TPD52L1: variants seen among roughly 807,000 people sequenced by gnomAD.
TPD52L1 encodes the protein tumor protein D53.
A neutral mutation model predicts 28.7 loss-of-function variants in TPD52L1; 18 were observed. The observed-to-expected ratio is 0.63, with a 90% CI of 0.43 to 0.93. The LOEUF (loss-of-function observed/expected upper bound fraction) is 0.93, where lower values mean the gene tolerates loss of function less well. Among genes scored for constraint, TPD52L1 ranks in the 40% least tolerant of loss-of-function variants. TPD52L1 has a pLI of 0.00. For synonymous variants in TPD52L1, 75 were observed against 88.8 expected (o/e 0.84, Z 0.88); for missense variants, 203 against 254.8 (o/e 0.80, Z 1.39).
At chr6:125,230,685 A>G (rs1795896996) in intron 3 of TPD52L1, among the ~76,000 whole-genome samples, 1 of 152,176 alleles carries the variant, frequency 6.6e-6, no homozygotes, top group Non-Finnish European at 1.5e-5. Context: ...CGAGCATGAC[A>G]TCTCCCCAAC....
intron 1 of TPD52L1, among the ~76,000 whole-genome samples, chr6:125,171,284 A>G (rs1562207405): frequency 6.6e-6 from 1 of 152,164 alleles, no homozygotes; most frequent in African/African-American, 2.4e-5. Flanking sequence ...GGTTATCCAC[A>G]TACATGTGCA....
rs962702809 is a variant in TPD52L1, at chr6:125,185,604, G to A, written c.19+31634G>A. 2.0e-5 allele frequency among the ~76,000 whole-genome samples: 3 copies of A among 151,696 alleles called. 1 individual carries two copies. Among genetic ancestry groups the A allele is most frequent in the South Asian group, 4.2e-4 (2 of 4,804 alleles). On this transcript the variant is annotated intron_variant, in intron 1 of 6. Coordinates refer to ENST00000534000, the MANE Select transcript of TPD52L1 (RefSeq NM_003287.4). ...GAGAACACTTCAAAATCTATGAGAC[G>A]AAGAGAGACTGCCAATAATAAAAGT...
At chr6:125,239,032 T>C (rs975229472) in intron 3 of TPD52L1, among the ~76,000 whole-genome samples, 3 of 152,264 alleles carry the variant, frequency 2.0e-5, no homozygotes, top group Non-Finnish European at 2.9e-5. Flanking sequence ...GTTATGCTTC[T>C]AGTTCTTTAA....
At chr6:125,165,287 A>G (rs747253025) in intron 1 of TPD52L1, among the ~76,000 whole-genome samples, 33 of 152,086 alleles carry the variant, frequency 2.2e-4, no homozygotes, top group Non-Finnish European at 3.7e-4. Context: ...GATTTGAAAT[A>G]TATGCATTAA....
At chr6:125,244,849 T>G (rs544019721) in intron 3 of TPD52L1, among the ~76,000 whole-genome samples, 1 of 152,256 alleles carries the variant, frequency 6.6e-6, no homozygotes, top group South Asian at 2.1e-4. Flanking sequence ...TATGAGAAAC[T>G]TCCCACCACT....
intron 1 of TPD52L1, among the ~76,000 whole-genome samples, chr6:125,168,854 T>G (rs1465565273): frequency 6.6e-6 from 1 of 152,164 alleles, no homozygotes; most frequent in Admixed American, 6.5e-5. Flanking sequence ...AAAATAAATG[T>G]TTTGGTTTAT....
intron 1 of TPD52L1, among the ~76,000 whole-genome samples, chr6:125,195,673 C>T (rs1793381632): frequency 6.6e-6 from 1 of 152,182 alleles, no homozygotes; most frequent in Non-Finnish European, 1.5e-5. Flanking sequence ...GCAGGTTTTA[C>T]CCTTAGGGCA....
intron 3 of TPD52L1, among the ~76,000 whole-genome samples, chr6:125,243,501 T>C (rs1796742231): frequency 6.6e-6 from 1 of 152,006 alleles, no homozygotes; most frequent in South Asian, 2.1e-4. Context: ...TTGTTCATTT[T>C]TTTTCTTTGT....
chr6:125,229,716 C>G (rs1319969537), intron 3 of TPD52L1, among the ~76,000 whole-genome samples: 1 of 152,112 alleles, frequency 6.6e-6, no homozygotes, highest in Non-Finnish European at 1.5e-5. Context: ...ACAAAGAAAA[C>G]CTTGTACTTT....
intron 1 of TPD52L1, among the ~76,000 whole-genome samples, chr6:125,205,876 A>T (rs1794093666): frequency 6.6e-6 from 1 of 152,240 alleles, no homozygotes; most frequent in Admixed American, 6.5e-5. Context: ...TATATGTAAT[A>T]GCACGTCACT....
intron 3 of TPD52L1, among the ~76,000 whole-genome samples, chr6:125,233,340 T>C (rs544219043): frequency 6.6e-6 from 1 of 152,348 alleles, no homozygotes; most frequent in East Asian, 1.9e-4. Flanking sequence ...ATTTTGTTCT[T>C]CTAAGACTTC....
chr6:125,158,060 G>A (rs761557146), intron 1 of TPD52L1, among the ~76,000 whole-genome samples: 7 of 151,918 alleles, frequency 4.6e-5, no homozygotes, highest in Non-Finnish European at 8.8e-5. Context: ...TGTTCTGTTC[G>A]CATCAAACCT....
chr6:125,171,950 G>C (rs544924389), intron 1 of TPD52L1, among the ~76,000 whole-genome samples: 1 of 152,072 alleles, frequency 6.6e-6, no homozygotes, highest in East Asian at 1.9e-4. Flanking sequence ...TTGTGCTCTT[G>C]CCTTGCCTTG....
chr6:125,190,992 A>T (rs1346362694), intron 1 of TPD52L1, among the ~76,000 whole-genome samples: 1 of 152,224 alleles, frequency 6.6e-6, no homozygotes, highest in East Asian at 1.9e-4. Flanking sequence ...TGCTACATCA[A>T]GGTAACAATG....
intron 1 of TPD52L1, among the ~76,000 whole-genome samples, chr6:125,214,116 AG>A (rs1354640065): frequency 2.6e-5 from 4 of 152,184 alleles, no homozygotes; most frequent in Non-Finnish European, 4.4e-5. Flanking sequence ...GCAGCCTGGC[AG>A]GGAGGGAGAC....
In TPD52L1 at chr6:125,249,355, A is replaced by T. The variant is rs560790620; in HGVS notation, c.386+972A>T. Among the ~76,000 whole-genome samples, 4 of 150,246 alleles carry T rather than the reference A, an allele frequency of 2.7e-5. No homozygotes were observed. In the East Asian group the frequency reaches 5.8e-4, roughly 22 times the overall value. On this transcript the variant is annotated intron_variant, in intron 4 of 6. Coordinates refer to ENST00000534000, the MANE Select transcript of TPD52L1 (RefSeq NM_003287.4). ...AATCTCTGCGTATTTATTTTACTGG[A>T]TTCTTAAACTGTTACTTTTTTATTA...
chr6:125,192,359 C>T (rs956860220), intron 1 of TPD52L1, among the ~76,000 whole-genome samples: 120 of 151,420 alleles, frequency 7.9e-4, no homozygotes, highest in African/African-American at 2.7e-3. Context: ...TCAGCAGGAT[C>T]CCCGAATGTA....
chr6:125,181,504 A>G (rs541776760), intron 1 of TPD52L1, among the ~76,000 whole-genome samples: 41 of 152,348 alleles, frequency 2.7e-4, no homozygotes, highest in African/African-American at 9.6e-4. Flanking sequence ...CTTAATCAAC[A>G]TCATGGGATT....
intron 1 of TPD52L1, among the ~76,000 whole-genome samples, chr6:125,155,017 G>C (rs987553639): frequency 2.0e-5 from 3 of 152,198 alleles, no homozygotes; most frequent in Middle Eastern, 3.2e-3. Context: ...TGGCGATTGC[G>C]TGGGCCTGGA....
Sources: gnomAD v4.1 joint callset for allele counts (sites outside exome capture counted in the v4.1 genomes callset) on GRCh38, gnomAD v4.1.1 for gene constraint, MANE v1.5 for transcripts, NCBI Gene and HGNC (gene_info 2026-07-23, HGNC 2026-07-21) for gene names.